Variants in FABP12 observed in about 807,000 individuals in gnomAD.
FABP12 encodes fatty acid binding protein 12.
A neutral mutation model predicts 13.7 loss-of-function variants in FABP12; 19 were observed. The ratio of observed to expected loss-of-function variants is 1.39; its 90% confidence interval spans 0.97 to 2.04. The LOEUF (loss-of-function observed/expected upper bound fraction) is 2.04, where lower values mean the gene tolerates loss of function less well. Ranked by LOEUF, FABP12 falls within the 30% of genes most tolerant of loss-of-function variation. The pLI, the probability that FABP12 is intolerant of heterozygous loss-of-function variation, is 0.00. For synonymous variants in FABP12, 61 were observed against 57.0 expected, an observed-to-expected ratio of 1.07 and a Z score of -0.32; for missense variants, 182 against 164.2, an observed-to-expected ratio of 1.11 and a Z score of -0.59.
chr8:81,575,043 T>C (rs1360980112), intron 1 of FABP12, among the ~76,000 whole-genome samples: 2 of 152,250 alleles, frequency 1.3e-5, no homozygotes, highest in East Asian at 3.9e-4. Flanking sequence ...GGTGTAACCT[T>C]AGAATGTCAG....
chr8:81,544,543 A>T (rs1809403739), intron 1 of FABP12, among the ~76,000 whole-genome samples: 2 of 152,152 alleles, frequency 1.3e-5, no homozygotes, highest in African/African-American at 2.4e-5. Context: ...GAGGGTGACC[A>T]TTCAATCTAT....
At chr8:81,582,118 A>ATTTTTTTTTTT (rs34960860) in intron 1 of FABP12, among the ~76,000 whole-genome samples, 3 of 96,786 alleles carry the variant, frequency 3.1e-5, no homozygotes, top group African/African-American at 3.8e-5. Flanking sequence ...GCTAACTGGA[A>ATTTTTTTTTTT]TTTTTTTTTT....
At position 81,543,257 on chromosome 8, in the gene FABP12, C is replaced by T. The variant is rs576457837; in HGVS notation, c.-184-3514G>A. Among the ~76,000 whole-genome samples the T allele has an allele frequency of 3.9e-5, 6 of 152,292 alleles. No individual in the cohort carries two copies. In the South Asian group the frequency reaches 1.2e-3, roughly 32 times the overall value. ...GAGTAATTTATCCCTCCCATATTAA[C>T]ATCAACTGTGAAATCTAAACTGAAT... On this transcript the variant is annotated intron_variant, in intron 1 of 5. Coordinates refer to the FABP12 transcript ENST00000692030.
chr8:81,585,559 T>C (rs28864448), intron 1 of FABP12, among the ~76,000 whole-genome samples: 7,632 of 152,306 alleles, frequency 0.05, 243 homozygotes, highest in East Asian at 0.16. Flanking sequence ...GCTCCACCTA[T>C]GAAGGGTCTT....
upstream of FABP12, among the ~76,000 whole-genome samples, chr8:81,535,486 C>T (rs932759706): frequency 3.9e-5 from 6 of 152,162 alleles, no homozygotes; most frequent in East Asian, 1.9e-4. Flanking sequence ...ATCCCAATTA[C>T]GCATTCAAGG....
At chr8:81,534,433 T>C (rs764969340), upstream of FABP12, among the ~76,000 whole-genome samples, 12 of 152,232 alleles carry the variant, frequency 7.9e-5, no homozygotes, top group Admixed American at 2.6e-4. Context: ...TTTCCTTATA[T>C]GTCCCTGGTC....
At chr8:81,560,774 G>A (rs550920672) in intron 1 of FABP12, among the ~76,000 whole-genome samples, 153 of 152,286 alleles carry the variant, frequency 1.0e-3, no homozygotes, top group African/African-American at 3.6e-3. Context: ...GTTCCCCCAG[G>A]AGCACACAAG....
At chr8:81,553,613 G>C (rs996836061) in intron 1 of FABP12, among the ~76,000 whole-genome samples, 2 of 152,116 alleles carry the variant, frequency 1.3e-5, no homozygotes, top group African/African-American at 4.8e-5. Flanking sequence ...ACTTACTCAA[G>C]ATTATTTGGC....
chr8:81,576,985 T>C (rs1585858876), intron 1 of FABP12, among the ~76,000 whole-genome samples: 1 of 152,158 alleles, frequency 6.6e-6, no homozygotes, highest in African/African-American at 2.4e-5. Flanking sequence ...ACCACCTCAA[T>C]AGAACCAGGA....
intron 1 of FABP12, among the ~76,000 whole-genome samples, chr8:81,546,512 A>AAT (rs1194431198): frequency 3.3e-5 from 5 of 151,268 alleles, no homozygotes; most frequent in African/African-American, 1.2e-4. Context: ...AAAAAAAAAA[A>AAT]AGTAGCTGGG....
At position 81,572,691 on chromosome 8, in the gene FABP12, T is replaced by C. The variant is rs538770337; in HGVS notation, c.-185+17362A>G. ...ATTGTGTTGTGATATTGATTTGCAT[T>C]TCCCTCATTAGTGATGTTGAGCGTT... On this transcript the variant is annotated intron_variant, in intron 1 of 5. Coordinates refer to the FABP12 transcript ENST00000692030. 2.0e-5 allele frequency among the ~76,000 whole-genome samples: 3 copies of C among 152,332 alleles called. No individual in the cohort carries two copies. The East Asian group carries it at 5.8e-4, about 29-fold the overall frequency.
At chr8:81,584,001 G>T (rs1303591559) in intron 1 of FABP12, among the ~76,000 whole-genome samples, 2 of 152,184 alleles carry the variant, frequency 1.3e-5, no homozygotes, top group African/African-American at 4.8e-5. Flanking sequence ...CCATAATCAA[G>T]TGGATTTATT....
chr8:81,572,422 G>T (rs1172645648), intron 1 of FABP12, among the ~76,000 whole-genome samples: 1 of 152,198 alleles, frequency 6.6e-6, no homozygotes, highest in Admixed American at 6.5e-5. Context: ...ACATGTATGT[G>T]CAAGAATCTT....
upstream of FABP12, among the ~76,000 whole-genome samples, chr8:81,535,818 A>C (rs116541281): frequency 6.6e-6 from 1 of 152,256 alleles, no homozygotes; most frequent in African/African-American, 2.4e-5. Context: ...CTGGGTCTGA[A>C]AATTGGCTCA....
chr8:81,556,761 A>G (rs962559161), intron 1 of FABP12, among the ~76,000 whole-genome samples: 5 of 147,526 alleles, frequency 3.4e-5, no homozygotes, highest in Non-Finnish European at 6.0e-5. Flanking sequence ...TTAAATATAT[A>G]TTTATATATA....
At position 81,571,727 on chromosome 8, in the gene FABP12, C is replaced by T. The variant is rs1351135711; in HGVS notation, c.-185+18326G>A. On this transcript the variant is annotated intron_variant, in intron 1 of 5. Transcript: ENST00000692030. The stretch of plus-strand genomic sequence containing the variant: ...TGCTCCAGTTGTCAAACTTCATCAG[C>T]GAAATGTTGGGGTCATTTAAAGCTG... Among the ~76,000 whole-genome samples, 3 of 152,134 alleles carry T rather than the reference C, an allele frequency of 2.0e-5. No homozygotes were observed. In the East Asian group the frequency reaches 5.8e-4, roughly 29 times the overall value.
intron 1 of FABP12, among the ~76,000 whole-genome samples, chr8:81,583,612 G>A (rs570293344): frequency 3.0e-4 from 45 of 152,058 alleles, no homozygotes; most frequent in Admixed American, 9.8e-4. Flanking sequence ...ATAAATTCCC[G>A]GACACATACA....
At chr8:81,528,076 TTTG>T (rs976093877) in intron 3 of FABP12, among the ~76,000 whole-genome samples, 5 of 152,112 alleles carry the variant, frequency 3.3e-5, no homozygotes, top group Non-Finnish European at 2.9e-5. Flanking sequence ...TCCAGTTTTT[TTTG>T]TTGTTGTTGT....
intron 2 of FABP12, among the ~76,000 whole-genome samples, chr8:81,529,944 C>T (rs961143602): frequency 3.3e-5 from 5 of 152,108 alleles, no homozygotes; most frequent in Admixed American, 2.0e-4. Context: ...CTGATTAAAG[C>T]TATCAACTAT....
Sources: allele counts gnomAD v4.1 joint callset (sites outside exome capture counted in the v4.1 genomes callset), GRCh38; gene constraint gnomAD v4.1.1; transcripts MANE v1.5; gene names NCBI Gene and HGNC (gene_info 2026-07-23, HGNC 2026-07-21).